GBE1: variants seen among roughly 807,000 people sequenced by gnomAD.
GBE1 encodes 1,4-alpha-glucan branching enzyme 1.
In GBE1, 70 loss-of-function variants were observed where a neutral mutation model predicts 88.8. That is an observed-to-expected ratio of 0.79 (90% CI 0.65 to 0.96). The LOEUF (loss-of-function observed/expected upper bound fraction) is 0.96. Ranked by LOEUF, GBE1 falls within the 40% of genes least tolerant of loss-of-function variation. GBE1 has a pLI of 0.00. For missense variants in GBE1, 872 were observed against 871.0 expected (o/e 1.00, Z -0.01); for synonymous variants, 284 against 300.1 (o/e 0.95, Z 0.56).
chr3:81,591,006 G>T, intron 9 of GBE1, 31 bp downstream of exon 9: 1 of 1,582,922 alleles, frequency 6.3e-7, no homozygotes, highest in Non-Finnish European at 8.6e-7. Flanking sequence ...ATTAAAGGGG[G>T]TCAGAAGGTA....
chr3:81,674,428 G>A (rs1273424458), intron 2 of GBE1, among the ~76,000 whole-genome samples: 4 of 151,840 alleles, frequency 2.6e-5, no homozygotes, highest in Admixed American at 6.6e-5. Context: ...AAGAAAGAAG[G>A]AACTATCATT....
intron 6 of GBE1, among the ~76,000 whole-genome samples, chr3:81,645,140 A>G (rs1049040859): frequency 2.6e-5 from 4 of 152,242 alleles, no homozygotes; most frequent in Admixed American, 1.3e-4. Context: ...GGGAGTTAAC[A>G]TATAGCATAT....
chr3:81,620,957 G>A (rs535684897), intron 7 of GBE1, among the ~76,000 whole-genome samples: 22 of 152,302 alleles, frequency 1.4e-4, no homozygotes, highest in East Asian at 1.9e-4. Flanking sequence ...CTCAGTATAC[G>A]AGAGGACAGC....
At chr3:81,743,621 A>G (rs778806059) in intron 1 of GBE1, 6 of 1,534,474 alleles carry the variant, frequency 3.9e-6, no homozygotes, top group South Asian at 3.6e-5. Context: ...GCCGAATCCA[A>G]GTGAAATTGG....
intron 1 of GBE1, among the ~76,000 whole-genome samples, chr3:81,711,400 T>A (rs1455461403): frequency 6.6e-6 from 1 of 152,074 alleles, no homozygotes; most frequent in Admixed American, 6.5e-5. Flanking sequence ...AGTTGAAAAT[T>A]TTTGGAAGGG....
intron 14 of GBE1, among the ~76,000 whole-genome samples, chr3:81,514,089 A>G (rs1366277034): frequency 6.6e-6 from 1 of 151,730 alleles, no homozygotes; most frequent in Non-Finnish European, 1.5e-5. Context: ...ATGTTTCAGA[A>G]TTAGAAAATA....
chr3:81,505,590 T>A (rs1702642059), intron 14 of GBE1, among the ~76,000 whole-genome samples: 1 of 152,236 alleles, frequency 6.6e-6, no homozygotes, highest in Non-Finnish European at 1.5e-5. Context: ...GCCTACTTTA[T>A]TGTCCTGAAT....
At position 81,593,915 on chromosome 3, in the gene GBE1, A is replaced by G; in HGVS notation, c.1101T>C (p.His367=). Residue 367 remains histidine, a synonymous_variant, in exon 8 of 16, where the codon CAT becomes CAC. Coordinates refer to ENST00000429644, the MANE Select transcript of GBE1 (RefSeq NM_000158.4). Reference sequence around the variant, plus strand: ...TTATATCAGGTTACCTACCCACTCCATGGTGATGATAAAGCATGGACGTAA... The same window carrying G: ...TTATATCAGGTTACCTACCCACTCCGTGGTGATGATAAAGCATGGACGTAA... ...DGVTSMLYHH[H]GVGQGFSGDY... is the part of the protein sequence containing the mutation. The G allele has an allele frequency of 6.5e-7, 1 of 1,536,898 alleles. No homozygotes were observed. Among genetic ancestry groups the G allele is most frequent in the Non-Finnish European group, 8.9e-7 (1 of 1,127,814 alleles).
rs1269375163 is a variant in GBE1 at position 81,594,025 on chromosome 3, T to C, written c.993-2A>G. On this transcript the variant is annotated splice_acceptor_variant, in intron 7 of 15. Transcript: ENST00000429644. LOFTEE classifies it high-confidence loss of function. ...AGAAGGAATCTTAAAATTTCCCAGC[T>C]AAAATATAAGAGAAATATGTATTTA... 2.2e-6 allele frequency: 3 copies of C among 1,372,926 alleles called. No individual in the cohort carries two copies. The highest frequency in any genetic ancestry group is 3.1e-6 in the Non-Finnish European group (3 of 982,458). The allele number at this position is 1,372,926 out of a possible 1,614,324, so 85.0% of individuals were successfully genotyped here. A position where few individuals can be genotyped will look rare whatever the true frequency, so the allele number is the denominator to read the frequency against.
At chr3:81,683,850 G>T (rs573144091) in intron 2 of GBE1, among the ~76,000 whole-genome samples, 2 of 152,120 alleles carry the variant, frequency 1.3e-5, no homozygotes, top group African/African-American at 2.4e-5. Flanking sequence ...TTTGAGGAAG[G>T]AGAGCTGTGA....
At chr3:81,535,388 T>A (rs1261082792) in intron 13 of GBE1, 63 bp from the exon 14 acceptor site, 7 of 1,480,170 alleles carry the variant, frequency 4.7e-6, no homozygotes, top group Non-Finnish European at 5.4e-6. Flanking sequence ...AAGTACATTA[T>A]TTTTTGTCTT....
At chr3:81,565,084 T>C (rs1406743911) in intron 12 of GBE1, among the ~76,000 whole-genome samples, 1 of 152,192 alleles carries the variant, frequency 6.6e-6, no homozygotes, top group African/African-American at 2.4e-5. Context: ...GTTAACAGTG[T>C]GCTGTGAATC....
chr3:81,575,164 CAAA>C (rs760005850), intron 12 of GBE1, among the ~76,000 whole-genome samples: 4 of 85,924 alleles, frequency 4.7e-5, no homozygotes, highest in Admixed American at 1.3e-4. Context: ...GACTCCATCT[CAAA>C]AAAAAAAAAA....
chr3:81,690,197 G>GA lies in GBE1; in HGVS notation c.313+15246dup, dbSNP rs531101592. The stretch of plus-strand genomic sequence containing the variant: ...CTGCCAGAAATAATTGGGTCCTCCA[G>GA]AAATGAAGTGGACTTAAGTTCTCTG... On this transcript the variant is annotated intron_variant, in intron 2 of 15. Coordinates refer to ENST00000429644, the MANE Select transcript of GBE1 (RefSeq NM_000158.4). Among the ~76,000 whole-genome samples the GA allele has an allele frequency of 7.2e-4, 109 of 152,304 alleles. No individual in the cohort carries two copies. In the Middle Eastern group the frequency reaches 0.017, roughly 24 times the overall value.
chr3:81,666,839 T>C (rs1485886869), intron 3 of GBE1, among the ~76,000 whole-genome samples: 1 of 152,184 alleles, frequency 6.6e-6, no homozygotes, highest in Non-Finnish European at 1.5e-5. Context: ...ATGATTTTAA[T>C]TGCCTAAAAA....
chr3:81,658,383 T>C (rs1050942728), intron 3 of GBE1, among the ~76,000 whole-genome samples: 2 of 152,138 alleles, frequency 1.3e-5, no homozygotes, highest in African/African-American at 2.4e-5. Context: ...ATAATACACA[T>C]AGCTTCTTTG....
intron 14 of GBE1, 42 bp downstream of exon 14, chr3:81,535,153 G>A: frequency 6.7e-7 from 1 of 1,487,758 alleles, no homozygotes; most frequent in South Asian, 1.3e-5. Context: ...TAATAAAGAA[G>A]TGAATGTGGA....
chr3:81,568,950 A>T (rs1270347109), intron 12 of GBE1, among the ~76,000 whole-genome samples: 1 of 152,086 alleles, frequency 6.6e-6, no homozygotes, highest in Non-Finnish European at 1.5e-5. Context: ...GAAACTATTG[A>T]CTATTAAAAT....
Position 81,616,595 on chromosome 3 carries a change from A to G in GBE1, c.993-22572T>C, listed in dbSNP as rs912078465. On this transcript the variant is annotated intron_variant, in intron 7 of 15. Transcript: ENST00000429644. ...CTGATACCACACAGTCTTGATTACT[A>G]TAACTATATAAGAGTAAAAATTGGG... Among the ~76,000 whole-genome samples, 5 of 152,104 alleles carry G rather than the reference A, an allele frequency of 3.3e-5. No individual in the cohort carries two copies. The East Asian group carries it at 7.7e-4, about 23-fold the overall frequency.
Sources: allele counts gnomAD v4.1 joint callset (sites outside exome capture counted in the v4.1 genomes callset), GRCh38; gene constraint gnomAD v4.1.1; transcripts MANE v1.5; gene names NCBI Gene and HGNC (gene_info 2026-07-23, HGNC 2026-07-21).